SZT2: variants seen among roughly 807,000 people sequenced by gnomAD.
The protein encoded by SZT2 is SZT2 subunit of KICSTOR complex.
In SZT2, 216 loss-of-function variants were observed where a neutral mutation model predicts 404.2. The ratio of observed to expected loss-of-function variants is 0.53; its 90% CI spans 0.48 to 0.60. SZT2 has a LOEUF of 0.60. SZT2 is among the 20% of genes least tolerant of loss of function. The pLI is 0.00. For missense variants in SZT2, 3,857 were observed against 4,459.2 expected (o/e 0.86, Z 3.85); for synonymous variants, 1,693 against 1,749.9 (o/e 0.97, Z 0.81).
rs1281169068 is a variant in SZT2, at chr1:43,442,173, AG to A, written c.7873+44del. 1.2e-6 allele frequency: 2 copies of A among 1,600,356 alleles called. No individual in the cohort carries two copies. The highest frequency in any genetic ancestry group is 1.7e-6 in the Non-Finnish European group (2 of 1,172,740). On this transcript the variant is annotated intron_variant, in intron 56 of 71. Transcript: ENST00000634258. This position sits in a 1 kb window ranked among gnomAD's most constrained non-coding sequence, Gnocchi z 4.5. Reference sequence around the variant, plus strand: ...GGGGGCGGGGGGCGGGTAGGCTAAGAGTAACTGGTGGGGTCTCCAACCTTGC... The same window carrying A: ...GGGGGCGGGGGGCGGGTAGGCTAAGATAACTGGTGGGGTCTCCAACCTTGC...
chr1:43,420,905 T>C lies in SZT2; in HGVS notation c.1418T>C (p.Val473Ala). The change falls in exon 10 of 72, where the codon GTG becomes GCG. Residue 473 changes from valine to alanine, a missense_variant. Val to Ala is a moderately conservative substitution (Grantham distance 64, BLOSUM62 0). Transcript: ENST00000634258. The surrounding 1 kb of genome is among the most constrained non-coding windows in gnomAD (Gnocchi z 5.1). ...GGCGGCTACGACATTTTGCATGATG[T>C]GTCCTGTGCACTAAGGCAGCCCATT... Reference protein sequence around the residue: ...MEGGYDILHDVSCALRQPIRS... With the variant: ...MEGGYDILHDASCALRQPIRS... 1.3e-6 allele frequency: 2 copies of C among 1,598,486 alleles called. No individual in the cohort carries two copies. Among genetic ancestry groups the C allele is most frequent in the Non-Finnish European group, 1.7e-6 (2 of 1,179,802 alleles).
chr1:43,422,876 G>A lies in SZT2; in HGVS notation c.2030G>A (p.Arg677Gln), dbSNP rs1162518640. The A allele has an allele frequency of 1.3e-6, 2 of 1,583,280 alleles. No homozygotes were observed. Among genetic ancestry groups the A allele is most frequent in the Non-Finnish European group, 1.7e-6 (2 of 1,172,472 alleles). ...CCCATTGGCACACCAGCACCGGCCC[G>A]GCACAAGGTAAGCTGGGCCCTGACT... ...GFPIGTPAPA[R>Q]HKIVSGLREE... Residue 677 changes from arginine to glutamine, a missense_variant, in exon 14 of 72, where the codon CGG becomes CAG. Coordinates refer to ENST00000634258, the MANE Select transcript of SZT2 (RefSeq NM_001365999.1).
At position 43,428,459 on chromosome 1, in the gene SZT2, A is replaced by T; in HGVS notation, c.4139A>T (p.Glu1380Val). The change falls in exon 28 of 72, where the codon GAA (glutamate) becomes GTA (valine). Residue 1380 changes from glutamate (E) to valine (V), a missense_variant. Glu to Val is a moderately radical substitution (Grantham distance 121, BLOSUM62 -2). This residue lies in a region of SZT2 where 1,725 missense variants were observed against 1,881.0 expected (regional missense o/e 0.92). Coordinates refer to ENST00000634258, the MANE Select transcript of SZT2 (RefSeq NM_001365999.1). ...SSMEEGAEPR[E>V]RAILASESSI... ...ATGGAGGAGGGTGCTGAACCTCGGG[A>T]ACGAGCTATCCTAGCTTCTGAATCC... The T allele has an allele frequency of 1.2e-6, 2 of 1,614,056 alleles. No homozygotes were observed. Among genetic ancestry groups the T allele is most frequent in the Non-Finnish European group, 1.7e-6 (2 of 1,180,030 alleles).
chr1:43,422,691 A>T, intron 13 of SZT2, 59 bp downstream of exon 13: 1 of 811,784 alleles, frequency 1.2e-6, no homozygotes, highest in Non-Finnish European at 1.5e-6. Flanking sequence ...ACCTCATCCC[A>T]TGTCTCCCTC....
Position 43,447,183 on chromosome 1 carries a change from G to C in SZT2, c.9286+15G>C. 6.3e-7 allele frequency: 1 copy of C among 1,599,470 alleles called. No homozygotes were observed. Among genetic ancestry groups the C allele is most frequent in the Admixed American group, 1.7e-5 (1 of 58,074 alleles). On this transcript the variant is annotated intron_variant, in intron 66 of 71. Transcript: ENST00000634258. ...CATTTACCAAGGTCAGTGCCCAAGGGCAAGCCAGTGAACCCAAAAAAGAAC... is the reference window on the plus strand; with the variant it reads ...CATTTACCAAGGTCAGTGCCCAAGGCCAAGCCAGTGAACCCAAAAAAGAAC...
rs773828758 is a variant in SZT2 at position 43,452,403 on chromosome 1, G to A, written c.*1923G>A. 81 of 1,109,554 alleles carry A rather than the reference G, an allele frequency of 7.3e-5. No homozygotes were observed. Among genetic ancestry groups the A allele is most frequent in the Non-Finnish European group, 9.7e-5 (72 of 742,390 alleles). The allele number at this position is 1,109,554 out of a possible 1,614,324, so 68.7% of individuals were successfully genotyped here. ...GGATTCCCTGACTGTGCCAGCCCTC[G>A]TCCGTCTCCCCAGGTCTCCAGTCCA... On this transcript the variant is annotated 3_prime_UTR_variant, in exon 72 of 72. Transcript: ENST00000634258.
Position 43,419,771 on chromosome 1 carries a change from A to C in SZT2, c.917A>C (p.His306Pro), listed in dbSNP as rs1570618294. 4 of 1,598,302 alleles carry C rather than the reference A, an allele frequency of 2.5e-6. No homozygotes were observed. Among genetic ancestry groups the C allele is most frequent in the Non-Finnish European group, 2.5e-6 (3 of 1,179,804 alleles). ...TACTCTTATGACTGCAGTTTTGGCC[A>C]TGTGCCCAATGTGGAATTAATGAAG... Reference protein sequence around the residue: ...GVYSYDCSFGHVPNVELMKFI... With the variant: ...GVYSYDCSFGPVPNVELMKFI... The change falls in exon 8 of 72, where the codon CAT (histidine) becomes CCT (proline). Residue 306 changes from histidine (H) to proline (P), a missense_variant. By Grantham distance (77) the His-to-Pro change is moderately conservative. Coordinates refer to ENST00000634258, the MANE Select transcript of SZT2 (RefSeq NM_001365999.1).
rs962856184 is a variant in SZT2 at position 43,426,891 on chromosome 1, G to A, written c.3309+82G>A. 17 of 1,556,998 alleles carry A rather than the reference G, an allele frequency of 1.1e-5. No individual in the cohort carries two copies. Among genetic ancestry groups the A allele is most frequent in the South Asian group, 9.2e-5 (8 of 86,714 alleles). Reference sequence around the variant, plus strand: ...CATCTTCAGGCCCCAACCTTCTACCGCCCTTGAGACTAAATGGCATCTGCC... The same window carrying A: ...CATCTTCAGGCCCCAACCTTCTACCACCCTTGAGACTAAATGGCATCTGCC... On this transcript the variant is annotated intron_variant, in intron 23 of 71. Transcript: ENST00000634258. This position sits in a 1 kb window ranked among gnomAD's most constrained non-coding sequence, Gnocchi z 4.9.
At chr1:43,399,102 AT>A (rs796824751) in intron 1 of SZT2, among the ~76,000 whole-genome samples, 22 of 152,124 alleles carry the variant, frequency 1.4e-4, no homozygotes, top group African/African-American at 5.3e-4. Flanking sequence ...GAAAAAAATC[AT>A]TTTGCAGCGT....
At position 43,420,414 on chromosome 1, in the gene SZT2, C is replaced by G; in HGVS notation, c.1261+91C>G. 7.1e-7 allele frequency: 1 copy of G among 1,404,468 alleles called. No homozygotes were observed. The highest frequency in any genetic ancestry group is 9.4e-7 in the Non-Finnish European group (1 of 1,061,216). 87.0% of individuals were successfully genotyped at this position (1,404,468 alleles called of 1,614,324 possible). ...ACATGTATCACACATGAAAGAGTGTCACATTGAAGTCCTTATCACTTGAGA... is the reference window on the plus strand; with the variant it reads ...ACATGTATCACACATGAAAGAGTGTGACATTGAAGTCCTTATCACTTGAGA... On this transcript the variant is annotated intron_variant, in intron 9 of 71. Transcript: ENST00000634258. This position sits in a 1 kb window ranked among gnomAD's most constrained non-coding sequence, Gnocchi z 5.1.
Position 43,424,957 on chromosome 1 carries a change from C to G in SZT2, c.2550+95C>G. The stretch of plus-strand genomic sequence containing the variant: ...CTGGGTTGGGACTGCTGGAAACTGC[C>G]TCACAGGGACCCTGTGGCCAGAGGA... On this transcript the variant is annotated intron_variant, in intron 17 of 71. Transcript: ENST00000634258. This position sits in a 1 kb window ranked among gnomAD's most constrained non-coding sequence, Gnocchi z 4.1. The G allele has an allele frequency of 1.3e-6, 2 of 1,498,182 alleles. No individual in the cohort carries two copies. Among genetic ancestry groups the G allele is most frequent in the East Asian group, 4.5e-5 (2 of 44,162 alleles). The allele number at this position is 1,498,182 out of a possible 1,614,324, so 92.8% of individuals were successfully genotyped here. A position where few individuals can be genotyped will look rare whatever the true frequency, so the allele number is the denominator to read the frequency against.
chr1:43,399,907 GT>G (rs1489653336), intron 1 of SZT2, among the ~76,000 whole-genome samples: 4 of 152,014 alleles, frequency 2.6e-5, no homozygotes, highest in Non-Finnish European at 5.9e-5. Context: ...ACAGAGAGTA[GT>G]ATCTCCCAAG....
In SZT2 at chr1:43,451,095, A is replaced by G. The variant is rs7523994; in HGVS notation, c.*615A>G. On this transcript the variant is annotated 3_prime_UTR_variant, in exon 72 of 72. Coordinates refer to ENST00000634258, the MANE Select transcript of SZT2 (RefSeq NM_001365999.1). ...GGCTTCTCAATGGGAGGGAAGCAGCAGAGAAACTGAAGTGTTAGACACTAT... is the reference window on the plus strand; with the variant it reads ...GGCTTCTCAATGGGAGGGAAGCAGCGGAGAAACTGAAGTGTTAGACACTAT... 2.9e-4 allele frequency: 256 copies of G among 875,872 alleles called. 1 individual carries two copies. The African/African-American group carries it at 3.8e-3, about 13-fold the overall frequency. 54.3% of individuals were successfully genotyped at this position (875,872 alleles called of 1,614,324 possible). A position where few individuals can be genotyped will look rare whatever the true frequency, so the allele number is the denominator to read the frequency against.
At position 43,453,120 on chromosome 1, in the gene SZT2, CTG is replaced by C. The variant is rs1557617059; in HGVS notation, c.*2642_*2643del. 2 of 722,242 alleles carry C rather than the reference CTG, an allele frequency of 2.8e-6. No individual in the cohort carries two copies. The highest frequency in any genetic ancestry group is 1.6e-5 in the South Asian group (1 of 63,698). The allele number at this position is 722,242 out of a possible 1,614,324, so 44.7% of individuals were successfully genotyped here. A position where few individuals can be genotyped will look rare whatever the true frequency, so the allele number is the denominator to read the frequency against. On this transcript the variant is annotated 3_prime_UTR_variant, in exon 72 of 72. Coordinates refer to ENST00000634258, the MANE Select transcript of SZT2 (RefSeq NM_001365999.1). ...AATAGGCCTGTCCTCAAATGCATCACTGTATATATTTACTCTCCTATCTGCCT... is the reference window on the plus strand; with the variant it reads ...AATAGGCCTGTCCTCAAATGCATCACTATATATTTACTCTCCTATCTGCCT...
intron 11 of SZT2, among the ~76,000 whole-genome samples, chr1:43,421,851 C>T (rs1001207357): frequency 3.3e-5 from 5 of 152,350 alleles, no homozygotes; most frequent in Admixed American, 2.0e-4. Flanking sequence ...TGGTTCCATC[C>T]TTCTGGATTC....
chr1:43,452,713 C>A lies in SZT2; in HGVS notation c.*2233C>A. ...TACTTAGCCTTTTCCCATCTGTTTT[C>A]TGCCCCCACCATTGACCAGTAGTGA... On this transcript the variant is annotated 3_prime_UTR_variant, in exon 72 of 72. Coordinates refer to ENST00000634258, the MANE Select transcript of SZT2 (RefSeq NM_001365999.1). 3 of 622,690 alleles carry A rather than the reference C, an allele frequency of 4.8e-6. No individual in the cohort carries two copies. The highest frequency in any genetic ancestry group is 5.7e-6 in the Non-Finnish European group (2 of 351,774). The allele number at this position is 622,690 out of a possible 1,614,324, so 38.6% of individuals were successfully genotyped here. A position where few individuals can be genotyped will look rare whatever the true frequency, so the allele number is the denominator to read the frequency against.
At chr1:43,391,709 T>A (rs745692087) in intron 1 of SZT2, among the ~76,000 whole-genome samples, 3 of 152,166 alleles carry the variant, frequency 2.0e-5, no homozygotes, top group Non-Finnish European at 4.4e-5. Flanking sequence ...TTTAGGCAGA[T>A]AGTCTAGGAC....
chr1:43,412,471 T>C (rs1651178398), intron 4 of SZT2: 1 of 152,140 alleles, frequency 6.6e-6, no homozygotes, highest in Non-Finnish European at 1.5e-5. Flanking sequence ...TTTTTAGTTT[T>C]TTTGTAGAGA....
Position 43,441,933 on chromosome 1 carries a change from G to A in SZT2, c.7743-67G>A. On this transcript the variant is annotated intron_variant, in intron 55 of 71. Transcript: ENST00000634258. This position sits in a 1 kb window ranked among gnomAD's most constrained non-coding sequence, Gnocchi z 4.8. ...TAGGAGAGGTGGAAACAAGGCCCAG[G>A]GAGGTGAAGGCTAGGCCAGGGAGTG... 6.3e-7 allele frequency: 1 copy of A among 1,592,094 alleles called. No homozygotes were observed. Among genetic ancestry groups the A allele is most frequent in the Admixed American group, 1.7e-5 (1 of 58,956 alleles).
Sources: allele counts gnomAD v4.1 joint callset (sites outside exome capture counted in the v4.1 genomes callset), GRCh38; gene constraint gnomAD v4.1.1; regional missense constraint gnomAD v4.1.1; non-coding constraint Gnocchi (gnomAD v3.1); transcripts MANE v1.5; gene names NCBI Gene and HGNC (gene_info 2026-07-23, HGNC 2026-07-21).